The following LRRFIP2 variants were observed in gnomAD, a reference collection of about 807,000 sequenced individuals.
LRRFIP2 encodes LRR binding FLII interacting protein 2.
Under a neutral mutation model 125.9 loss-of-function variants are expected in LRRFIP2, and 109 were observed. That is an observed-to-expected ratio of 0.87 (90% CI 0.74 to 1.01). LRRFIP2 has a LOEUF of 1.01. Ranked by LOEUF, LRRFIP2 falls within the 50% of genes least tolerant of loss-of-function variation. The probability of loss-of-function intolerance (pLI) is 0.00; values close to 1 mark genes in which losing one functional copy is unlikely to be tolerated. For synonymous variants in LRRFIP2, 291 were observed against 293.1 expected, an observed-to-expected ratio of 0.99 and a Z score of 0.07; for missense variants, 850 against 862.3, an observed-to-expected ratio of 0.99 and a Z score of 0.18.
In LRRFIP2 at chr3:37,117,473, T is replaced by C. The variant is rs574061925; in HGVS notation, c.331-2378A>G. ...AAAAGTCACCCCAATAAGTAAAAGT[T>C]GGCCTTTATATTGTTGTAAAGAAAA... On this transcript the variant is annotated intron_variant, in intron 6 of 27. Transcript: ENST00000336686. Among the ~76,000 whole-genome samples the C allele has an allele frequency of 7.9e-5, 12 of 152,248 alleles. No individual in the cohort carries two copies. In the East Asian group the frequency reaches 2.3e-3, roughly 29 times the overall value.
chr3:37,108,619 T>C lies in LRRFIP2; in HGVS notation c.657+18A>G, dbSNP rs2094436811. 6.3e-7 allele frequency: 1 copy of C among 1,598,546 alleles called. No individual in the cohort carries two copies. The highest frequency in any genetic ancestry group is 8.6e-7 in the Non-Finnish European group (1 of 1,167,690). ...CACATTTCCCTCCTCTTCACCACCT[T>C]CCCCTATTTAGACTTACAGTTCGAG... On this transcript the variant is annotated intron_variant, in intron 12 of 27. Coordinates refer to ENST00000336686, the MANE Select transcript of LRRFIP2 (RefSeq NM_006309.4).
chr3:37,164,953 C>A (rs981589220), intron 1 of LRRFIP2, among the ~76,000 whole-genome samples: 1 of 152,026 alleles, frequency 6.6e-6, no homozygotes, highest in Non-Finnish European at 1.5e-5. Context: ...GACTGTCTTC[C>A]AGCCTGGTGC....
intron 20 of LRRFIP2, among the ~76,000 whole-genome samples, chr3:37,074,631 C>A (rs966436283): frequency 1.3e-5 from 2 of 152,054 alleles, no homozygotes; most frequent in Admixed American, 1.3e-4. Flanking sequence ...CTTCTTTTTT[C>A]ATTTAGCCAC....
At chr3:37,077,689 T>C (rs1264462064) in intron 19 of LRRFIP2, among the ~76,000 whole-genome samples, 2 of 152,154 alleles carry the variant, frequency 1.3e-5, no homozygotes, top group African/African-American at 4.8e-5. Flanking sequence ...GTAACTATTC[T>C]AGATAGTTAC....
chr3:37,151,287 A>G (rs1287872134), intron 1 of LRRFIP2, among the ~76,000 whole-genome samples: 1 of 151,884 alleles, frequency 6.6e-6, no homozygotes, highest in Non-Finnish European at 1.5e-5. Flanking sequence ...TGAATCCAGG[A>G]GGTGGAGATT....
chr3:37,087,796 C>T (rs536760955), intron 18 of LRRFIP2, among the ~76,000 whole-genome samples: 2 of 152,094 alleles, frequency 1.3e-5, no homozygotes, highest in Non-Finnish European at 2.9e-5. Context: ...ACCATGTTGG[C>T]CAGGCTGGTC....
chr3:37,058,422 C>CCAG (rs1046099931), intron 25 of LRRFIP2, among the ~76,000 whole-genome samples: 12 of 152,014 alleles, frequency 7.9e-5, no homozygotes, highest in Non-Finnish European at 1.6e-4. Flanking sequence ...GCCTGTAATC[C>CCAG]CAGCACTCTG....
intron 24 of LRRFIP2, among the ~76,000 whole-genome samples, chr3:37,062,738 T>C (rs1342597714): frequency 6.6e-6 from 1 of 152,160 alleles, no homozygotes; most frequent in Non-Finnish European, 1.5e-5. Context: ...CCAGCCAAAC[T>C]ATTTTAATCA....
At chr3:37,126,057 C>A (rs1393757335) in intron 4 of LRRFIP2, among the ~76,000 whole-genome samples, 2 of 152,062 alleles carry the variant, frequency 1.3e-5, no homozygotes, top group Admixed American at 1.3e-4. Context: ...GAGACACAGT[C>A]TCACTCTGTT....
chr3:37,109,526 C>A lies in LRRFIP2; in HGVS notation c.609+1G>T, dbSNP rs769018393. The A allele has an allele frequency of 6.2e-7, 1 of 1,613,970 alleles. No individual in the cohort carries two copies. Among genetic ancestry groups the A allele is most frequent in the South Asian group, 1.1e-5 (1 of 91,070 alleles). On this transcript the variant is annotated splice_donor_variant, in intron 11 of 27. Transcript: ENST00000336686. LOFTEE classifies it high-confidence loss of function. ...ACACACTGGAAGAGGAAAATACAAACCAGACTGGCACTTCTCAGCAGACCA... is the reference window on the plus strand; with the variant it reads ...ACACACTGGAAGAGGAAAATACAAAACAGACTGGCACTTCTCAGCAGACCA...
intron 19 of LRRFIP2, among the ~76,000 whole-genome samples, chr3:37,080,043 G>T (rs1473300669): frequency 6.6e-6 from 1 of 152,148 alleles, no homozygotes; most frequent in Non-Finnish European, 1.5e-5. Context: ...CCACTGAATT[G>T]TACACTTTAA....
At chr3:37,170,288 T>C (rs1033385918) in intron 1 of LRRFIP2, 1 of 152,230 alleles carries the variant, frequency 6.6e-6, no homozygotes, top group Non-Finnish European at 1.5e-5. Flanking sequence ...TGCTGTTAAA[T>C]ATGGTGACAT....
At chr3:37,162,638 A>G (rs539303566) in intron 1 of LRRFIP2, among the ~76,000 whole-genome samples, 1 of 152,334 alleles carries the variant, frequency 6.6e-6, no homozygotes, top group South Asian at 2.1e-4. Flanking sequence ...TGAAAAACCA[A>G]CAGAGAGGGA....
intron 1 of LRRFIP2, among the ~76,000 whole-genome samples, chr3:37,153,267 T>A (rs915452925): frequency 2.6e-5 from 4 of 152,136 alleles, no homozygotes; most frequent in African/African-American, 7.2e-5. Flanking sequence ...GGCACACGCC[T>A]GTAGTTCCAG....
intron 1 of LRRFIP2, among the ~76,000 whole-genome samples, chr3:37,173,725 A>G (rs1433648901): frequency 6.6e-6 from 1 of 152,140 alleles, no homozygotes; most frequent in Non-Finnish European, 1.5e-5. Flanking sequence ...TATATCATCA[A>G]CTCTGTTGCT....
chr3:37,169,601 C>T (rs2096557394), intron 1 of LRRFIP2, among the ~76,000 whole-genome samples: 1 of 152,168 alleles, frequency 6.6e-6, no homozygotes, highest in African/African-American at 2.4e-5. Context: ...GTACGGTATA[C>T]TCTAACTTAC....
At chr3:37,162,147 C>A (rs1361031174) in intron 1 of LRRFIP2, among the ~76,000 whole-genome samples, 1 of 105,154 alleles carries the variant, frequency 9.5e-6, no homozygotes, top group African/African-American at 3.5e-5. Flanking sequence ...CAAAGTGAGA[C>A]CCTGTCTCAA....
chr3:37,167,129 C>T (rs1012430087), intron 1 of LRRFIP2, among the ~76,000 whole-genome samples: 15 of 145,612 alleles, frequency 1.0e-4, no homozygotes, highest in African/African-American at 3.3e-4. Context: ...CCCAGGAGGT[C>T]GAGGCTGCAG....
chr3:37,166,579 G>A (rs1035295004), intron 1 of LRRFIP2, among the ~76,000 whole-genome samples: 7 of 152,018 alleles, frequency 4.6e-5, no homozygotes, highest in African/African-American at 7.2e-5. Flanking sequence ...ATGCTCAGCC[G>A]GGCATGATGG....
Sources: gnomAD v4.1 joint callset for allele counts (sites outside exome capture counted in the v4.1 genomes callset) on GRCh38, gnomAD v4.1.1 for gene constraint, MANE v1.5 for transcripts, NCBI Gene and HGNC (gene_info 2026-07-23, HGNC 2026-07-21) for gene names.